The following PARP4 variants were observed in gnomAD, a reference collection of about 807,000 sequenced individuals.
The protein encoded by PARP4 is poly(ADP-ribose) polymerase family member 4.
A neutral mutation model predicts 187.7 loss-of-function variants in PARP4; 120 were observed. The observed-to-expected ratio is 0.64, with a 90% confidence interval of 0.55 to 0.74. The LOEUF (loss-of-function observed/expected upper bound fraction) is 0.74. Ranked by LOEUF, PARP4 falls within the 30% of genes least tolerant of loss-of-function variation. The pLI is 0.00. For synonymous variants in PARP4, 654 were observed against 740.9 expected, an observed-to-expected ratio of 0.88 and a Z score of 1.90; for missense variants, 1,836 against 2,070.5, an observed-to-expected ratio of 0.89 and a Z score of 2.20.
chr13:24,454,965 T>C, intron 22 of PARP4, 52 bp downstream of exon 22: 1 of 1,416,478 alleles, frequency 7.1e-7, no homozygotes. Context: ...CTACAGAATG[T>C]GATTCACATG....
At chr13:24,422,890 A>G (rs1297717563) in intron 33 of PARP4, among the ~76,000 whole-genome samples, 1 of 152,194 alleles carries the variant, frequency 6.6e-6, no homozygotes, top group Non-Finnish European at 1.5e-5. Flanking sequence ...TACAGCTGTG[A>G]GTCACCGTGT....
At chr13:24,422,233 G>A (rs1869783809) in intron 33 of PARP4, among the ~76,000 whole-genome samples, 1 of 152,154 alleles carries the variant, frequency 6.6e-6, no homozygotes, top group South Asian at 2.1e-4. Context: ...GGTTTGTGGT[G>A]GAAATCAACA....
At position 24,478,114 on chromosome 13, in the gene PARP4, G is replaced by A. The variant is rs757160240; in HGVS notation, c.1611C>T (p.Ala537=). Residue 537 remains alanine (A), a synonymous_variant, in exon 13 of 34, where the codon GCC becomes GCT. Transcript: ENST00000381989. The part of the protein sequence containing the change: ...YDSVHGVSQT[A]SVTTDFEDDE... ...ATACCTCAAAGTCTGTGGTGACAGA[G>A]GCTGTTTGCGAAACTCCATGCACAC... The A allele has an allele frequency of 8.1e-6, 13 of 1,605,456 alleles. No homozygotes were observed. The African/African-American group carries it at 1.1e-4, about 13-fold the overall frequency.
At chr13:24,457,293 T>C (rs1442034091) in intron 20 of PARP4, among the ~76,000 whole-genome samples, 1 of 152,218 alleles carries the variant, frequency 6.6e-6, no homozygotes, top group African/African-American at 2.4e-5. Context: ...CACTCCTGTC[T>C]GCGTGCCCCT....
chr13:24,454,517 G>T (rs553232532), intron 22 of PARP4, among the ~76,000 whole-genome samples: 1 of 152,200 alleles, frequency 6.6e-6, no homozygotes, highest in Non-Finnish European at 1.5e-5. Flanking sequence ...CCTTCTAGCA[G>T]TGCTGGCCCG....
Position 24,490,795 on chromosome 13 carries a change from T to G in PARP4, c.1087A>C (p.Asn363His), listed in dbSNP as rs765416233. The G allele has an allele frequency of 1.2e-6, 2 of 1,614,142 alleles. No individual in the cohort carries two copies. The highest frequency in any genetic ancestry group is 1.1e-5 in the South Asian group (1 of 91,082). ...GATGGTGGGTTGGGTTTGGACAAAT[T>G]AGTTTCACAGACATTAACCATGTCT... Reference protein sequence around the residue: ...IRDMVNVCETNLSKPNPPSLA... With the variant: ...IRDMVNVCETHLSKPNPPSLA... Residue 363 changes from asparagine (N) to histidine (H), a missense_variant, in exon 10 of 34, where the codon AAT (asparagine) becomes CAT (histidine). Physicochemically the swap from Asn to His is moderately conservative, Grantham distance 68 (BLOSUM62 1). Transcript: ENST00000381989.
intron 1 of PARP4, among the ~76,000 whole-genome samples, chr13:24,504,997 C>A (rs572071709): frequency 6.1e-4 from 87 of 143,554 alleles, no homozygotes; most frequent in African/African-American, 2.1e-3. Context: ...ACCTGGCACA[C>A]CCCCGCTTTT....
At position 24,452,426 on chromosome 13, in the gene PARP4, C is replaced by T. The variant is rs1468000028; in HGVS notation, c.2994G>A (p.Arg998=). The T allele has an allele frequency of 1.2e-6, 2 of 1,613,452 alleles. No homozygotes were observed. Among genetic ancestry groups the T allele is most frequent in the South Asian group, 2.2e-5 (2 of 90,998 alleles). The change falls in exon 24 of 34, where the codon AGG becomes AGA. Residue 998 remains arginine, a synonymous_variant. Coordinates refer to ENST00000381989, the MANE Select transcript of PARP4 (RefSeq NM_006437.4). ...CTCACCCGATACCGCAGGCGAATAACCTGGTGTGCGGGCGGCTCCTCTTCA... is the reference window on the plus strand; with the variant it reads ...CTCACCCGATACCGCAGGCGAATAATCTGGTGTGCGGGCGGCTCCTCTTCA... ...QLVKRSRPHT[R]LFACGIGSTA...
intron 32 of PARP4, 70 bp downstream of exon 32, chr13:24,431,307 A>AT (rs1870320384): frequency 1.2e-6 from 1 of 834,126 alleles, no homozygotes; most frequent in Admixed American, 2.6e-5. Flanking sequence ...AAAACAGTTT[A>AT]CAACAATTAG....
chr13:24,436,784 A>G (rs1593591114), intron 30 of PARP4, among the ~76,000 whole-genome samples: 1 of 152,328 alleles, frequency 6.6e-6, no homozygotes, highest in Non-Finnish European at 1.5e-5. Context: ...CAAGTCCTTG[A>G]TATTTTTGAA....
At chr13:24,464,726 C>T (rs933911881) in intron 17 of PARP4, among the ~76,000 whole-genome samples, 2 of 152,086 alleles carry the variant, frequency 1.3e-5, no homozygotes, top group Non-Finnish European at 2.9e-5. Flanking sequence ...CCATTCAGGA[C>T]ATAGGCACAG....
At chr13:24,493,573 G>A (rs746246485) in intron 8 of PARP4, 23 bp downstream of exon 8, 17 of 1,589,894 alleles carry the variant, frequency 1.1e-5, no homozygotes, top group Non-Finnish European at 1.5e-5. Context: ...TTCACATTCT[G>A]TTTCAGCGAC....
chr13:24,425,319 T>C (rs1593580694), intron 33 of PARP4, among the ~76,000 whole-genome samples: 1 of 152,050 alleles, frequency 6.6e-6, no homozygotes, highest in South Asian at 2.1e-4. Flanking sequence ...AATAAATAAA[T>C]ATCAATCTTA....
chr13:24,472,470 T>A (rs1002410723), intron 15 of PARP4, among the ~76,000 whole-genome samples: 2 of 152,188 alleles, frequency 1.3e-5, no homozygotes, highest in African/African-American at 4.8e-5. Flanking sequence ...ATCACTGAAA[T>A]GGAACTAATT....
At chr13:24,487,767 A>G (rs1306994156) in intron 10 of PARP4, among the ~76,000 whole-genome samples, 2 of 152,096 alleles carry the variant, frequency 1.3e-5, no homozygotes, top group African/African-American at 4.8e-5. Flanking sequence ...AACTCAGCAA[A>G]TATTCCAGAC....
intron 28 of PARP4, among the ~76,000 whole-genome samples, chr13:24,442,965 A>C (rs889293373): frequency 4.6e-5 from 7 of 151,966 alleles, no homozygotes; most frequent in Non-Finnish European, 1.0e-4. Context: ...GGAATTGGAA[A>C]GATGGAATGA....
At chr13:24,441,558 C>T (rs1238758417) in intron 30 of PARP4, among the ~76,000 whole-genome samples, 1 of 152,276 alleles carries the variant, frequency 6.6e-6, no homozygotes, top group African/African-American at 2.4e-5. Context: ...ACCTATTATA[C>T]TACCTAAATG....
intron 9 of PARP4, among the ~76,000 whole-genome samples, chr13:24,492,115 C>T (rs1309077890): frequency 6.6e-6 from 1 of 152,242 alleles, no homozygotes; most frequent in Non-Finnish European, 1.5e-5. Context: ...TTTAAGTCAG[C>T]TGCAGTTTCC....
At chr13:24,510,663 C>G (rs1869967932) in intron 1 of PARP4, among the ~76,000 whole-genome samples, 2 of 150,426 alleles carry the variant, frequency 1.3e-5, no homozygotes, top group South Asian at 4.2e-4. Flanking sequence ...AGTTGATGGC[C>G]AGAAATGGAA....
Sources: gnomAD v4.1 joint callset for allele counts (sites outside exome capture counted in the v4.1 genomes callset) on GRCh38, gnomAD v4.1.1 for gene constraint, MANE v1.5 for transcripts, NCBI Gene and HGNC (gene_info 2026-07-23, HGNC 2026-07-21) for gene names.